RBFOX1: variants seen among roughly 807,000 people sequenced by gnomAD.
RBFOX1 encodes the protein RNA binding fox-1 homolog 1, also known as RNA binding protein fox-1 homolog 1.
In RBFOX1, 8 loss-of-function variants were observed where a neutral mutation model predicts 57.7. The ratio of observed to expected loss-of-function variants is 0.14; its 90% confidence interval spans 0.08 to 0.25. RBFOX1 has a LOEUF of 0.25. Ranked by LOEUF, RBFOX1 falls within the 10% of genes least tolerant of loss-of-function variation. The pLI is 1.00. For missense variants in RBFOX1, 611 were observed against 548.5 expected, an observed-to-expected ratio of 1.11 and a Z score of -1.14; for synonymous variants, 326 against 222.4, an observed-to-expected ratio of 1.47 and a Z score of -4.15.
At chr16:6,817,014 C>T (rs1469997216) in intron 3 of RBFOX1, among the ~76,000 whole-genome samples, 1 of 152,072 alleles carries the variant, frequency 6.6e-6, no homozygotes, top group Non-Finnish European at 1.5e-5. Flanking sequence ...TCCCAAAGTG[C>T]TGAGATGGCA....
intron 3 of RBFOX1, among the ~76,000 whole-genome samples, chr16:6,660,367 G>C (rs897072456): frequency 1.3e-5 from 2 of 151,998 alleles, no homozygotes; most frequent in East Asian, 3.9e-4. Context: ...TAACAAACCT[G>C]CACATCCCGC....
In RBFOX1 at chr16:5,327,550, A is replaced by T. The variant is rs1182963933; in HGVS notation, c.219+87445A>T. Among the ~76,000 whole-genome samples the T allele has an allele frequency of 3.3e-5, 5 of 152,184 alleles. No homozygotes were observed. In the East Asian group the frequency reaches 9.6e-4, roughly 29 times the overall value. On this transcript the variant is annotated intron_variant, in intron 1 of 2. Coordinates refer to the RBFOX1 transcript ENST00000585867. The stretch of plus-strand genomic sequence containing the variant: ...GTTAACTTTGCAGCAGCTGCTGCTT[A>T]ATTTTAGCCCTCAGAGAGAAACGCC...
At chr16:6,542,481 G>GTTTTTTTTTT (rs1567617665) in intron 2 of RBFOX1, among the ~76,000 whole-genome samples, 18 of 37,128 alleles carry the variant, frequency 4.8e-4, no homozygotes, top group Non-Finnish European at 7.0e-4. Flanking sequence ...TGGGACCATA[G>GTTTTTTTTTT]TCTTTTTTTT....
intron 1 of RBFOX1, among the ~76,000 whole-genome samples, chr16:6,068,162 C>G (rs1417974883): frequency 1.3e-5 from 2 of 152,118 alleles, no homozygotes; most frequent in Non-Finnish European, 2.9e-5. Context: ...GGCTGTGTTT[C>G]TTATACGTCT....
chr16:7,317,987 T>C (rs574069508), intron 4 of RBFOX1, among the ~76,000 whole-genome samples: 2 of 152,084 alleles, frequency 1.3e-5, no homozygotes, highest in South Asian at 4.2e-4. Context: ...GTGGTGATAG[T>C]GGTGGTGACT....
chr16:6,123,313 A>C (rs980604369), intron 1 of RBFOX1, among the ~76,000 whole-genome samples: 6 of 152,262 alleles, frequency 3.9e-5, no homozygotes, highest in African/African-American at 1.4e-4. Context: ...GTGGAAAATC[A>C]TTTGTCCATT....
intron 3 of RBFOX1, among the ~76,000 whole-genome samples, chr16:6,761,296 G>A (rs2076562251): frequency 2.0e-5 from 3 of 152,074 alleles, no homozygotes; most frequent in African/African-American, 7.2e-5. Context: ...CTGACACTTG[G>A]ATATTTGGTT....
intron 1 of RBFOX1, among the ~76,000 whole-genome samples, chr16:5,308,326 A>T: frequency 1.4e-5 from 1 of 70,650 alleles, no homozygotes; most frequent in South Asian, 6.8e-4. Flanking sequence ...GGCTCTGTCT[A>T]AAAAAAAAAA....
At chr16:6,337,619 G>A (rs2083949760) in intron 2 of RBFOX1, among the ~76,000 whole-genome samples, 1 of 152,146 alleles carries the variant, frequency 6.6e-6, no homozygotes, top group South Asian at 2.1e-4. Context: ...ACAAAGACAC[G>A]TGCTGTCAAG....
chr16:5,887,124 C>T (rs922173896), intron 4 of RBFOX1, among the ~76,000 whole-genome samples: 33 of 152,082 alleles, frequency 2.2e-4, no homozygotes, highest in African/African-American at 7.5e-4. Flanking sequence ...GCAAATGTCC[C>T]GTGGAGAAGG....
intron 2 of RBFOX1, among the ~76,000 whole-genome samples, chr16:6,622,242 C>T (rs78776968): frequency 0.12 from 18,509 of 152,164 alleles, 1,411 homozygotes; most frequent in Middle Eastern, 0.24. Context: ...CACATAATGA[C>T]GTTTCAGTCA....
chr16:6,976,703 C>T (rs569290800), intron 3 of RBFOX1, among the ~76,000 whole-genome samples: 21 of 147,758 alleles, frequency 1.4e-4, no homozygotes, highest in Non-Finnish European at 2.7e-4. Context: ...GCATACATAT[C>T]ATATAGCATA....
At chr16:6,662,818 C>T (rs2098709791) in intron 3 of RBFOX1, among the ~76,000 whole-genome samples, 1 of 152,008 alleles carries the variant, frequency 6.6e-6, no homozygotes, top group Non-Finnish European at 1.5e-5. Flanking sequence ...AAAAAAAATA[C>T]TGTTCTTTCT....
chr16:6,304,001 G>C (rs926935206), intron 1 of RBFOX1, among the ~76,000 whole-genome samples: 2 of 151,138 alleles, frequency 1.3e-5, no homozygotes, highest in African/African-American at 2.4e-5. Context: ...TAGTAGAATC[G>C]GGGTTTCACC....
At chr16:5,632,666 G>A (rs2048553170) in intron 3 of RBFOX1, 1 of 152,120 alleles carries the variant, frequency 6.6e-6, no homozygotes, top group African/African-American at 2.4e-5. Flanking sequence ...CTTTTGTTTT[G>A]GAGCCTATAA....
intron 3 of RBFOX1, among the ~76,000 whole-genome samples, chr16:6,790,393 C>T (rs894990148): frequency 3.3e-5 from 5 of 152,134 alleles, no homozygotes; most frequent in African/African-American, 9.6e-5. Context: ...CCATGTTTGC[C>T]TGGCTGGTCT....
At chr16:7,417,885 T>C (rs2098499737) in intron 4 of RBFOX1, among the ~76,000 whole-genome samples, 2 of 152,092 alleles carry the variant, frequency 1.3e-5, no homozygotes, top group South Asian at 4.1e-4. Context: ...TCATCTCCCA[T>C]CTCCCTTTTC....
chr16:6,150,566 C>A (rs140243047), intron 1 of RBFOX1, among the ~76,000 whole-genome samples: 7 of 152,236 alleles, frequency 4.6e-5, no homozygotes, highest in African/African-American at 9.6e-5. Flanking sequence ...CTTGCAAGGC[C>A]AACATCACAG....
chr16:5,523,349 T>C (rs4786035), intron 2 of RBFOX1, among the ~76,000 whole-genome samples: 117,459 of 152,066 alleles, frequency 0.77, 46,346 homozygotes, highest in East Asian at 0.99. Context: ...GGCGCGGTGG[T>C]TTATGCCTGT....
Sources: allele counts gnomAD v4.1 joint callset (sites outside exome capture counted in the v4.1 genomes callset), GRCh38; gene constraint gnomAD v4.1.1; transcripts MANE v1.5; gene names NCBI Gene and HGNC (gene_info 2026-07-23, HGNC 2026-07-21).